FGF14: variants seen among roughly 807,000 people sequenced by gnomAD.
The protein encoded by FGF14 is fibroblast growth factor 14, also known as fibroblast growth factor homologous factor 4.
Under a neutral mutation model 25.5 loss-of-function variants are expected in FGF14, and 5 were observed. That is an observed-to-expected ratio of 0.20 (90% confidence interval 0.10 to 0.41). The LOEUF is 0.41. FGF14 is among the 10% of genes least tolerant of loss of function. The pLI, the probability that FGF14 is intolerant of heterozygous loss-of-function variation, is 1.00. For synonymous variants in FGF14, 138 were observed against 118.3 expected, an observed-to-expected ratio of 1.17 and a Z score of -1.08; for missense variants, 222 against 320.1, an observed-to-expected ratio of 0.69 and a Z score of 2.34.
At chr13:102,026,840 A>G (rs539181081) in intron 1 of FGF14, among the ~76,000 whole-genome samples, 1 of 142,862 alleles carries the variant, frequency 7.0e-6, no homozygotes, top group Admixed American at 6.7e-5. Context: ...TTAAGTGAGG[A>G]AAAAAGCTCC....
At chr13:101,857,723 A>G (rs2044199416) in intron 3 of FGF14, among the ~76,000 whole-genome samples, 1 of 151,958 alleles carries the variant, frequency 6.6e-6, no homozygotes, top group Non-Finnish European at 1.5e-5. Flanking sequence ...TGTCATCACT[A>G]TTTTTCTCTA....
chr13:101,944,356 A>AT (rs549613032), intron 1 of FGF14, among the ~76,000 whole-genome samples: 4 of 152,042 alleles, frequency 2.6e-5, no homozygotes, highest in Non-Finnish European at 4.4e-5. Context: ...TTTACATATT[A>AT]TTTTTTTCTT....
chr13:102,298,525 T>C (rs1189316377), intron 1 of FGF14, among the ~76,000 whole-genome samples: 3 of 152,218 alleles, frequency 2.0e-5, no homozygotes, highest in Middle Eastern at 3.2e-3. Context: ...TTTTTCATTT[T>C]ACCTTTTATG....
intron 1 of FGF14, among the ~76,000 whole-genome samples, chr13:102,026,588 T>C (rs1004727056): frequency 1.3e-5 from 2 of 151,988 alleles, no homozygotes; most frequent in Non-Finnish European, 2.9e-5. Flanking sequence ...AGTTTAGTGT[T>C]CTGTATTATT....
intron 1 of FGF14, among the ~76,000 whole-genome samples, chr13:102,095,147 A>G (rs1336577405): frequency 6.6e-6 from 1 of 152,222 alleles, no homozygotes; most frequent in Non-Finnish European, 1.5e-5. Context: ...GATGTTGTGC[A>G]TAACTTCACA....
intron 1 of FGF14, among the ~76,000 whole-genome samples, chr13:102,401,156 A>G (rs1400404707): frequency 6.6e-6 from 1 of 151,968 alleles, no homozygotes; most frequent in African/African-American, 2.4e-5. Flanking sequence ...CCTGGGGCAC[A>G]ACCTTAAGCC....
chr13:101,799,640 T>C (rs927228770), intron 3 of FGF14, among the ~76,000 whole-genome samples: 1 of 152,130 alleles, frequency 6.6e-6, no homozygotes, highest in African/African-American at 2.4e-5. Context: ...GTCATTACTG[T>C]TTCTCACTGT....
At chr13:101,952,413 C>CTT (rs35081290) in intron 1 of FGF14, among the ~76,000 whole-genome samples, 91 of 146,776 alleles carry the variant, frequency 6.2e-4, no homozygotes, top group African/African-American at 1.5e-3. Flanking sequence ...TTTTTGGCTA[C>CTT]TTTTTTTTTT....
chr13:102,331,752 G>T (rs983092690), intron 1 of FGF14, among the ~76,000 whole-genome samples: 1 of 152,092 alleles, frequency 6.6e-6, no homozygotes, highest in Non-Finnish European at 1.5e-5. Flanking sequence ...ATAATTGGTG[G>T]ACAAGAGAAT....
rs181753873 is a variant in FGF14 at position 102,196,456 on chromosome 13, A to G, written c.208+205015T>C. 6.6e-5 allele frequency among the ~76,000 whole-genome samples: 10 copies of G among 152,352 alleles called. No homozygotes were observed. The South Asian group carries it at 1.9e-3, about 28-fold the overall frequency. On this transcript the variant is annotated intron_variant, in intron 1 of 4. Coordinates refer to the FGF14 transcript ENST00000376131. ...CCTGCTGCAGCAATGTTATCCAAAC[A>G]GTGGGGTTCTCAGTTTGCCTAGTAC...
At chr13:101,788,937 G>C (rs866253186) in intron 3 of FGF14, among the ~76,000 whole-genome samples, 5 of 60,460 alleles carry the variant, frequency 8.3e-5, no homozygotes, top group Admixed American at 2.3e-4. Flanking sequence ...GAGAGAGAGA[G>C]AGAGAGAGAG....
chr13:101,846,133 G>A (rs2043446627), intron 3 of FGF14, among the ~76,000 whole-genome samples: 1 of 151,956 alleles, frequency 6.6e-6, no homozygotes, highest in African/African-American at 2.4e-5. Flanking sequence ...GTAATAATTA[G>A]TGGAGGCTTC....
At chr13:101,944,184 T>C (rs1019649620) in intron 1 of FGF14, among the ~76,000 whole-genome samples, 1 of 152,126 alleles carries the variant, frequency 6.6e-6, no homozygotes, top group Non-Finnish European at 1.5e-5. Context: ...ACTTAAACTT[T>C]CCAAGCCCAG....
At chr13:102,079,333 A>G (rs637357) in intron 1 of FGF14, among the ~76,000 whole-genome samples, 20,097 of 152,212 alleles carry the variant, frequency 0.13, 1,976 homozygotes, top group African/African-American at 0.28. Flanking sequence ...CTTTCAGGAA[A>G]TCATGGAAAA....
chr13:102,018,071 T>G (rs1051481929), intron 1 of FGF14, among the ~76,000 whole-genome samples: 7 of 152,160 alleles, frequency 4.6e-5, no homozygotes, highest in African/African-American at 1.4e-4. Flanking sequence ...GTTTCTAGAG[T>G]TCTGTGTCTC....
Position 102,259,742 on chromosome 13 carries a change from A to C in FGF14, c.208+141729T>G, listed in dbSNP as rs371671039. On this transcript the variant is annotated intron_variant, in intron 1 of 4. Transcript: ENST00000376131. The stretch of plus-strand genomic sequence containing the variant: ...GAATGAACGAATGAAGCAGAGTTAT[A>C]GATAAAGATAAAGCACTGAACATCC... Among the ~76,000 whole-genome samples the C allele has an allele frequency of 7.9e-5, 12 of 152,298 alleles. No homozygotes were observed. The South Asian group carries it at 1.0e-3, about 13-fold the overall frequency.
chr13:101,927,756 T>A (rs111513385), intron 1 of FGF14, among the ~76,000 whole-genome samples: 26 of 152,204 alleles, frequency 1.7e-4, no homozygotes, highest in African/African-American at 5.5e-4. Flanking sequence ...CGGGGATCAT[T>A]TCTTTGACTC....
At chr13:102,358,223 G>A (rs2057470166) in intron 1 of FGF14, among the ~76,000 whole-genome samples, 2 of 151,950 alleles carry the variant, frequency 1.3e-5, no homozygotes, top group South Asian at 4.2e-4. Context: ...ACAAAAATGT[G>A]TTTCATGTAT....
chr13:101,783,468 CA>C (rs397722208), intron 3 of FGF14, among the ~76,000 whole-genome samples: 125 of 135,740 alleles, frequency 9.2e-4, no homozygotes, highest in African/African-American at 1.6e-3. Flanking sequence ...GACTCTGTCT[CA>C]AAAAAAAAAA....
Sources: gnomAD v4.1 joint callset for allele counts (sites outside exome capture counted in the v4.1 genomes callset) on GRCh38, gnomAD v4.1.1 for gene constraint, MANE v1.5 for transcripts, NCBI Gene and HGNC (gene_info 2026-07-23, HGNC 2026-07-21) for gene names.